The following TYR variants were observed in gnomAD, a reference collection of about 807,000 sequenced individuals.
The protein encoded by TYR is LB24-AB.
In TYR, 58 loss-of-function variants were observed where a neutral mutation model predicts 51.5. That is an observed-to-expected ratio of 1.13 (90% CI 0.91 to 1.40). The LOEUF is 1.40. Among genes scored for constraint, TYR ranks in the 40% most tolerant of loss-of-function variants. The pLI, the probability that TYR is intolerant of heterozygous loss-of-function variation, is 0.00. For synonymous variants in TYR, 263 were observed against 235.2 expected, an observed-to-expected ratio of 1.12 and a Z score of -1.08; for missense variants, 732 against 647.4, an observed-to-expected ratio of 1.13 and a Z score of -1.42.
chr11:89,211,648 C>T (rs776601585), intron 2 of TYR, among the ~76,000 whole-genome samples: 2 of 152,122 alleles, frequency 1.3e-5, no homozygotes, highest in Non-Finnish European at 1.5e-5. Context: ...ACAGAATATA[C>T]GTTCTTCTCG....
intron 3 of TYR, among the ~76,000 whole-genome samples, chr11:89,260,873 G>A (rs1317040553): frequency 6.6e-6 from 1 of 152,118 alleles, no homozygotes; most frequent in Non-Finnish European, 1.5e-5. Context: ...TAAGAACCAG[G>A]CCACACAGCA....
At chr11:89,250,754 CTAA>C (rs1944321563) in intron 3 of TYR, among the ~76,000 whole-genome samples, 2 of 151,796 alleles carry the variant, frequency 1.3e-5, no homozygotes, top group African/African-American at 2.4e-5. Context: ...AGGGTTCACC[CTAA>C]TAAGGTCTTT....
At chr11:89,272,884 T>C (rs1944606337) in intron 3 of TYR, among the ~76,000 whole-genome samples, 1 of 151,964 alleles carries the variant, frequency 6.6e-6, no homozygotes, top group Admixed American at 6.6e-5. Context: ...ATTCAAACTT[T>C]CCTTCTTCAA....
At chr11:89,252,461 T>A (rs1283272105) in intron 3 of TYR, among the ~76,000 whole-genome samples, 2 of 151,494 alleles carry the variant, frequency 1.3e-5, no homozygotes, top group East Asian at 3.9e-4. Context: ...GATCAAAATG[T>A]CCACATAAAT....
At chr11:89,263,085 T>C (rs1944482100) in intron 3 of TYR, among the ~76,000 whole-genome samples, 1 of 151,108 alleles carries the variant, frequency 6.6e-6, no homozygotes, top group Non-Finnish European at 1.5e-5. Context: ...CACTTGCAAA[T>C]ACAAATGGAA....
intron 4 of TYR, among the ~76,000 whole-genome samples, chr11:89,290,097 G>A (rs1186473276): frequency 1.3e-5 from 2 of 151,986 alleles, no homozygotes; most frequent in Admixed American, 6.6e-5. Context: ...CTTTGGAAAT[G>A]ATAGAGCATA....
At chr11:89,216,228 A>G (rs1943830254) in intron 2 of TYR, among the ~76,000 whole-genome samples, 1 of 152,184 alleles carries the variant, frequency 6.6e-6, no homozygotes, top group Admixed American at 6.5e-5. Context: ...TTATAGGTGA[A>G]ATACTTAAAG....
At chr11:89,189,669 T>C (rs1405003289) in intron 1 of TYR, among the ~76,000 whole-genome samples, 1 of 152,146 alleles carries the variant, frequency 6.6e-6, no homozygotes, top group Non-Finnish European at 1.5e-5. Flanking sequence ...GGCACAGTGC[T>C]TAATATATAA....
chr11:89,200,801 A>T (rs998862890), intron 2 of TYR, among the ~76,000 whole-genome samples: 1 of 152,168 alleles, frequency 6.6e-6, no homozygotes, highest in Non-Finnish European at 1.5e-5. Context: ...TAATCAGAAT[A>T]GAGAGAAGTA....
chr11:89,239,249 C>T (rs1244876960), intron 3 of TYR, among the ~76,000 whole-genome samples: 1 of 152,090 alleles, frequency 6.6e-6, no homozygotes, highest in African/African-American at 2.4e-5. Flanking sequence ...CTAATTCACT[C>T]TCTGTACTCA....
At chr11:89,226,503 G>A (rs79168185) in intron 2 of TYR, among the ~76,000 whole-genome samples, 3,826 of 152,068 alleles carry the variant, frequency 0.025, 174 homozygotes, top group African/African-American at 0.088. Flanking sequence ...TCTCCCAGAG[G>A]GATCAGGGAT....
chr11:89,182,903 T>C (rs1429127420), intron 1 of TYR, among the ~76,000 whole-genome samples: 1 of 151,952 alleles, frequency 6.6e-6, no homozygotes, highest in Non-Finnish European at 1.5e-5. Flanking sequence ...TACACATGAG[T>C]GAATTGTGAC....
At chr11:89,241,088 T>A (rs1944187402) in intron 3 of TYR, among the ~76,000 whole-genome samples, 1 of 152,178 alleles carries the variant, frequency 6.6e-6, no homozygotes, top group South Asian at 2.1e-4. Context: ...ATCTGGGTCA[T>A]TAAATCAGCC....
At chr11:89,209,709 G>C (rs376314044) in intron 2 of TYR, among the ~76,000 whole-genome samples, 1 of 152,138 alleles carries the variant, frequency 6.6e-6, no homozygotes, top group Admixed American at 6.5e-5. Context: ...ACCCAGTAGA[G>C]GCCGACAGCT....
intron 3 of TYR, among the ~76,000 whole-genome samples, chr11:89,260,194 G>C (rs1944440170): frequency 6.7e-6 from 1 of 150,324 alleles, no homozygotes; most frequent in Non-Finnish European, 1.5e-5. Context: ...TATTACCTTA[G>C]ACAAGTCCCT....
intron 2 of TYR, among the ~76,000 whole-genome samples, chr11:89,199,491 G>T (rs573226990): frequency 6.6e-6 from 1 of 152,290 alleles, no homozygotes; most frequent in East Asian, 1.9e-4. Context: ...AAGAGAGAAA[G>T]AGAGAAACTT....
chr11:89,252,334 G>C (rs192847453), intron 3 of TYR, among the ~76,000 whole-genome samples: 1 of 151,784 alleles, frequency 6.6e-6, no homozygotes, highest in East Asian at 1.9e-4. Flanking sequence ...ACTGATCTAG[G>C]AAGCTGGCCT....
At chr11:89,263,324 A>C (rs1386744252) in intron 3 of TYR, among the ~76,000 whole-genome samples, 5 of 151,988 alleles carry the variant, frequency 3.3e-5, no homozygotes, top group African/African-American at 1.2e-4. Flanking sequence ...AACATGCATC[A>C]AGCTAGGAAT....
intron 3 of TYR, among the ~76,000 whole-genome samples, chr11:89,274,031 C>G (rs909609053): frequency 6.6e-6 from 1 of 151,786 alleles, no homozygotes; most frequent in Non-Finnish European, 1.5e-5. Context: ...AGAGTTAGGA[C>G]TTAAAAATTT....
Sources: gnomAD v4.1 joint callset for allele counts (sites outside exome capture counted in the v4.1 genomes callset) on GRCh38, gnomAD v4.1.1 for gene constraint, MANE v1.5 for transcripts, NCBI Gene and HGNC (gene_info 2026-07-23, HGNC 2026-07-21) for gene names.